The following TASOR2 variants were observed in gnomAD, a reference collection of about 807,000 sequenced individuals.
TASOR2 encodes protein TASOR 2.
Under a neutral mutation model 199.5 loss-of-function variants are expected in TASOR2, and 84 were observed. That is an observed-to-expected ratio of 0.42 (90% CI 0.35 to 0.50). The LOEUF is 0.50. Among genes scored for constraint, TASOR2 ranks in the 20% least tolerant of loss-of-function variants. TASOR2 has a pLI of 0.02. For synonymous variants in TASOR2, 1,103 were observed against 1,046.6 expected (o/e 1.05, Z -1.04); for missense variants, 2,796 against 2,835.9 (o/e 0.99, Z 0.32).
intron 6 of TASOR2, among the ~76,000 whole-genome samples, chr10:5,721,665 G>A (rs997990581): frequency 1.3e-5 from 2 of 152,184 alleles, no homozygotes; most frequent in East Asian, 1.9e-4. Context: ...ACTAATAAAT[G>A]TGGAAAGATT....
chr10:5,702,009 T>C (rs1438224163), intron 1 of TASOR2, among the ~76,000 whole-genome samples: 1 of 152,202 alleles, frequency 6.6e-6, no homozygotes, highest in Non-Finnish European at 1.5e-5. Context: ...ATAAAAGTGG[T>C]GAAAGTAGGC....
chr10:5,761,347 T>C (rs1839801600), exon 19 of TASOR2: 2 of 1,613,908 alleles, frequency 1.2e-6, no homozygotes, highest in South Asian at 2.2e-5. Flanking sequence ...AGAGTGCAAA[T>C]ATCATTGAAT....
rs922336192 is a variant in TASOR2 at position 5,757,747 on chromosome 10, C to T, written c.6886+74C>T. ...TCACCCAGTGACCTAAATACTGTTT[C>T]ATCCAAAAGAAATGATCAACTCTAA... is the stretch of plus-strand genomic sequence containing the variant. On this transcript the variant is annotated intron_variant, in intron 17 of 20. Coordinates refer to ENST00000328090, the Ensembl canonical transcript of TASOR2. 7.4e-6 allele frequency: 11 copies of T among 1,490,822 alleles called. No homozygotes were observed. The Admixed American group carries it at 7.5e-5, about 10-fold the overall frequency. 92.3% of individuals were successfully genotyped at this position (1,490,822 alleles called of 1,614,324 possible).
chr10:5,742,519 A>G lies in TASOR2; in HGVS notation c.2750A>G (p.Asn917Ser), dbSNP rs777966873. The G allele has an allele frequency of 1.1e-5, 17 of 1,612,186 alleles. No homozygotes were observed. Among genetic ancestry groups the G allele is most frequent in the Admixed American group, 3.4e-5 (2 of 59,586 alleles). Reference sequence around the variant, plus strand: ...GACCAGAATTTCATCTGTTCTTACAATAATGAGGTATGTAAAGCTGAATAC... The same window carrying G: ...GACCAGAATTTCATCTGTTCTTACAGTAATGAGGTATGTAAAGCTGAATAC... The change falls in exon 14 of 21, where the codon AAT becomes AGT. Residue 917 changes from asparagine to serine, a missense_variant. Asn to Ser is a conservative substitution (Grantham distance 46, BLOSUM62 1). Transcript: ENST00000328090. This position sits in a 1 kb window ranked among gnomAD's most constrained non-coding sequence, Gnocchi z 4.2.
At chr10:5,712,343 C>G in intron 1 of TASOR2, 2 of 1,211,406 alleles carry the variant, frequency 1.7e-6, no homozygotes, top group Non-Finnish European at 2.1e-6. Flanking sequence ...TCCCTTAACC[C>G]CATCCTTTGG....
intron 2 of TASOR2, chr10:5,713,645 C>T (rs1395978106): frequency 6.6e-6 from 1 of 152,192 alleles, no homozygotes; most frequent in East Asian, 1.9e-4. Flanking sequence ...ATTCAAATAA[C>T]ACGCTCTGGG....
At chr10:5,707,726 T>TCACACACACACACA (rs5782856) in intron 1 of TASOR2, among the ~76,000 whole-genome samples, 1 of 129,112 alleles carries the variant, frequency 7.7e-6, no homozygotes, top group African/African-American at 3.2e-5. Context: ...TCACTCATTT[T>TCACACACACACACA]CACACACACA....
exon 7 of TASOR2, chr10:5,723,680 G>A (rs375654540): frequency 1.5e-5 from 24 of 1,561,136 alleles, no homozygotes; most frequent in Middle Eastern, 1.7e-4. Context: ...TTTTCAGACC[G>A]CAGGAACTAG....
chr10:5,694,681 A>C (rs1474274920), intron 1 of TASOR2, among the ~76,000 whole-genome samples: 5 of 152,200 alleles, frequency 3.3e-5, no homozygotes, highest in African/African-American at 4.8e-5. Flanking sequence ...TTTTGGATTA[A>C]GTATGGTAAA....
chr10:5,745,798 T>G (rs751250521), intron 14 of TASOR2, among the ~76,000 whole-genome samples: 2 of 152,094 alleles, frequency 1.3e-5, no homozygotes, highest in African/African-American at 2.4e-5. Context: ...AAAATTAATC[T>G]CATTTATTAA....
At chr10:5,735,317 G>T in exon 12 of TASOR2, 1 of 1,613,818 alleles carries the variant, frequency 6.2e-7, no homozygotes, top group South Asian at 1.1e-5. Context: ...CGGAAGTGCT[G>T]ACTGCACAGT....
At chr10:5,728,309 A>G (rs933406254) in intron 10 of TASOR2, among the ~76,000 whole-genome samples, 1 of 152,106 alleles carries the variant, frequency 6.6e-6, no homozygotes, top group African/African-American at 2.4e-5. Context: ...TAAAGCTATA[A>G]CCAATATAAA....
chr10:5,698,272 G>C lies in TASOR2; in HGVS notation c.-288+13097G>C, dbSNP rs536661576. On this transcript the variant is annotated intron_variant, in intron 1 of 20. Transcript: ENST00000328090. This position sits in a 1 kb window ranked among gnomAD's most constrained non-coding sequence, Gnocchi z 4.4. ...AAAACATGTCTCTGCTAGCTCATTG[G>C]TTGAGGGAAGATGAGAGATAGGAGA... is the stretch of plus-strand genomic sequence containing the variant. Among the ~76,000 whole-genome samples, 8 of 152,270 alleles carry C rather than the reference G, an allele frequency of 5.3e-5. No homozygotes were observed. In the South Asian group the frequency reaches 1.5e-3, roughly 28 times the overall value.
At chr10:5,761,259 A>G (rs750762429) in intron 18 of TASOR2, 31 bp from the exon 20 acceptor site, 3 of 1,569,216 alleles carry the variant, frequency 1.9e-6, no homozygotes, top group Non-Finnish European at 2.6e-6. Context: ...AAACTGAAAA[A>G]TATTTTAATA....
intron 2 of TASOR2, among the ~76,000 whole-genome samples, chr10:5,714,881 A>G (rs915221637): frequency 2.6e-5 from 4 of 152,160 alleles, no homozygotes; most frequent in Non-Finnish European, 5.9e-5. Context: ...TCATAAATAT[A>G]GTTGGGAAAG....
chr10:5,717,514 G>T, intron 2 of TASOR2, 145 bp from the exon 4 acceptor site: 1 of 379,320 alleles, frequency 2.6e-6, no homozygotes. Context: ...TTTCTTCCTC[G>T]TTTTTCACTG....
intron 19 of TASOR2, among the ~76,000 whole-genome samples, 156 bp from the exon 21 acceptor site, chr10:5,762,376 T>C (rs564132664): frequency 3.9e-4 from 59 of 152,028 alleles, no homozygotes; most frequent in Admixed American, 9.8e-4. Flanking sequence ...TTCCAAAGCT[T>C]CAAATCTTTT....
chr10:5,713,457 A>G (rs1289791320), intron 2 of TASOR2, among the ~76,000 whole-genome samples: 3 of 152,194 alleles, frequency 2.0e-5, no homozygotes, highest in Non-Finnish European at 2.9e-5. Flanking sequence ...ATGGCTTCCG[A>G]GATACATTTT....
At position 5,742,685 on chromosome 10, in the gene TASOR2, A is replaced by C. The variant is rs1278023523; in HGVS notation, c.2757+159A>C. Among the ~76,000 whole-genome samples, 7 of 152,158 alleles carry C rather than the reference A, an allele frequency of 4.6e-5. No individual in the cohort carries two copies. On this transcript the variant is annotated intron_variant, in intron 14 of 20. Coordinates refer to ENST00000328090, the Ensembl canonical transcript of TASOR2. This position sits in a 1 kb window ranked among gnomAD's most constrained non-coding sequence, Gnocchi z 4.2. ...TACACCAAAAACCTAGTTTTCATGAAGTGTCCTTGAATTGTCTGCAGGTAG... is the reference window on the plus strand; with the variant it reads ...TACACCAAAAACCTAGTTTTCATGACGTGTCCTTGAATTGTCTGCAGGTAG...
Sources: allele counts gnomAD v4.1 joint callset (sites outside exome capture counted in the v4.1 genomes callset), GRCh38; gene constraint gnomAD v4.1.1; non-coding constraint Gnocchi (gnomAD v3.1); transcripts MANE v1.5; gene names NCBI Gene and HGNC (gene_info 2026-07-23, HGNC 2026-07-21).